Variants in IMPG1 observed in about 807,000 individuals in gnomAD.
IMPG1 encodes the protein interphotoreceptor matrix proteoglycan 1, also known as interphotoreceptor matrix proteoglycan of 150 kDa.
A neutral mutation model predicts 92.0 loss-of-function variants in IMPG1; 85 were observed. The ratio of observed to expected loss-of-function variants is 0.92; its 90% CI spans 0.78 to 1.11. The LOEUF (loss-of-function observed/expected upper bound fraction) is 1.11, where lower values mean the gene tolerates loss of function less well. IMPG1 is among the 50% of genes least tolerant of loss of function. The pLI, the probability that IMPG1 is intolerant of heterozygous loss-of-function variation, is 0.00. For synonymous variants in IMPG1, 367 were observed against 334.1 expected (o/e 1.10, Z -1.08); for missense variants, 1,022 against 956.0 (o/e 1.07, Z -0.91).
At chr6:76,021,798 T>TATATATAC (rs1169030839) in intron 6 of IMPG1, among the ~76,000 whole-genome samples, 1 of 140,724 alleles carries the variant, frequency 7.1e-6, no homozygotes, top group African/African-American at 2.6e-5. Flanking sequence ...TATATATATA[T>TATATATAC]ATATGGTTTT....
intron 4 of IMPG1, among the ~76,000 whole-genome samples, chr6:76,033,398 T>C (rs1432541393): frequency 6.6e-6 from 1 of 152,216 alleles, no homozygotes; most frequent in Non-Finnish European, 1.5e-5. Flanking sequence ...TGGGAGTGGA[T>C]ATTCAGAATG....
At chr6:75,949,703 C>T (rs1781991366) in intron 13 of IMPG1, among the ~76,000 whole-genome samples, 1 of 152,136 alleles carries the variant, frequency 6.6e-6, no homozygotes, top group Non-Finnish European at 1.5e-5. Context: ...TTCCCTGAGA[C>T]TCTCCCAATA....
At chr6:76,035,447 C>T (rs181886161) in intron 2 of IMPG1, among the ~76,000 whole-genome samples, 21 of 145,326 alleles carry the variant, frequency 1.4e-4, no homozygotes, top group African/African-American at 4.1e-4. Context: ...TGCGGTGAGC[C>T]GAGATCGCGC....
chr6:75,988,453 A>G (rs150406928), intron 12 of IMPG1, among the ~76,000 whole-genome samples: 126 of 152,214 alleles, frequency 8.3e-4, no homozygotes, highest in African/African-American at 2.8e-3. Flanking sequence ...TCGTTTGCCT[A>G]CTTTTTGATG....
chr6:76,050,736 A>G (rs941437174), intron 1 of IMPG1, among the ~76,000 whole-genome samples: 3 of 152,154 alleles, frequency 2.0e-5, no homozygotes, highest in Non-Finnish European at 2.9e-5. Context: ...CTACATATTC[A>G]AGTGGATACT....
At chr6:76,021,217 C>A (rs895974544) in intron 6 of IMPG1, among the ~76,000 whole-genome samples, 1 of 152,194 alleles carries the variant, frequency 6.6e-6, no homozygotes, top group Non-Finnish European at 1.5e-5. Context: ...AATTGTCAAC[C>A]AGAAAATGTT....
At chr6:76,067,486 G>C (rs1582141703) in intron 1 of IMPG1, among the ~76,000 whole-genome samples, 1 of 152,098 alleles carries the variant, frequency 6.6e-6, no homozygotes, top group African/African-American at 2.4e-5. Flanking sequence ...GGTTGAACCA[G>C]GAAGAAATAG....
At chr6:76,068,510 C>CTTT (rs1160277573) in intron 1 of IMPG1, among the ~76,000 whole-genome samples, 50 of 110,160 alleles carry the variant, frequency 4.5e-4, no homozygotes, top group Non-Finnish European at 4.8e-4. Context: ...AATGTCCATA[C>CTTT]TTTTTTTTTT....
intron 12 of IMPG1, among the ~76,000 whole-genome samples, chr6:75,976,136 T>C (rs1782528334): frequency 6.6e-6 from 1 of 152,188 alleles, no homozygotes. Flanking sequence ...ACTAATGAGG[T>C]AAATAAAATC....
At chr6:75,988,949 C>A (rs543094637) in intron 12 of IMPG1, among the ~76,000 whole-genome samples, 2 of 152,200 alleles carry the variant, frequency 1.3e-5, no homozygotes, top group African/African-American at 4.8e-5. Context: ...TTGCCCTTCA[C>A]ATCCAATGAT....
At chr6:75,943,730 C>T (rs564958559) in intron 14 of IMPG1, among the ~76,000 whole-genome samples, 1 of 152,184 alleles carries the variant, frequency 6.6e-6, no homozygotes, top group East Asian at 1.9e-4. Context: ...CATTGACCAG[C>T]CTGGAGGGAC....
intron 12 of IMPG1, among the ~76,000 whole-genome samples, chr6:75,959,007 T>C (rs1381060160): frequency 6.6e-6 from 1 of 152,240 alleles, no homozygotes; most frequent in African/African-American, 2.4e-5. Context: ...TCCTCATCTT[T>C]GTGGATTTAT....
chr6:76,064,614 T>C (rs1447994570), intron 1 of IMPG1, among the ~76,000 whole-genome samples: 1 of 152,014 alleles, frequency 6.6e-6, no homozygotes, highest in Non-Finnish European at 1.5e-5. Flanking sequence ...GCCATTGGGG[T>C]ATCCAAGGGT....
chr6:76,037,493 A>T (rs1181077139), intron 2 of IMPG1, among the ~76,000 whole-genome samples: 1 of 152,220 alleles, frequency 6.6e-6, no homozygotes, highest in Non-Finnish European at 1.5e-5. Context: ...CCAGGCAAGG[A>T]TCAAGAAGTT....
intron 14 of IMPG1, among the ~76,000 whole-genome samples, chr6:75,933,140 G>T (rs1042203804): frequency 2.3e-4 from 35 of 152,174 alleles, no homozygotes; most frequent in African/African-American, 7.7e-4. Context: ...TCTGAATGTG[G>T]TCGAAAGCTT....
chr6:76,006,148 C>CT (rs1365972174), intron 9 of IMPG1, among the ~76,000 whole-genome samples: 1 of 151,986 alleles, frequency 6.6e-6, no homozygotes, highest in East Asian at 1.9e-4. Flanking sequence ...TGAAAAAGTG[C>CT]TTTTTGTCAA....
Position 76,064,375 on chromosome 6 carries a change from T to C in IMPG1, c.67+8047A>G, listed in dbSNP as rs1184355308. 2.7e-3 allele frequency among the ~76,000 whole-genome samples: 413 copies of C among 151,302 alleles called. 1 individual carries two copies. Among genetic ancestry groups the C allele is most frequent in the African/African-American group, 9.0e-3 (373 of 41,316 alleles). ...TGGGGCAACCATTTTTTTTTCTTTT[T>C]TTTTTTTTTTTAATGGCCATTGGCT... is the stretch of plus-strand genomic sequence containing the variant. On this transcript the variant is annotated intron_variant, in intron 1 of 16. Coordinates refer to ENST00000369950, the MANE Select transcript of IMPG1 (RefSeq NM_001563.4).
At chr6:75,982,981 C>T (rs1185160138) in intron 12 of IMPG1, among the ~76,000 whole-genome samples, 1 of 151,836 alleles carries the variant, frequency 6.6e-6, no homozygotes, top group Non-Finnish European at 1.5e-5. Flanking sequence ...GTCCCTGGGG[C>T]AGAGGAAAAC....
chr6:76,012,667 C>T (rs1783207121), intron 7 of IMPG1, among the ~76,000 whole-genome samples: 1 of 152,156 alleles, frequency 6.6e-6, no homozygotes, highest in Non-Finnish European at 1.5e-5. Flanking sequence ...TGAGCAGACA[C>T]CCATCCCTTT....
Sources: gnomAD v4.1 joint callset for allele counts (sites outside exome capture counted in the v4.1 genomes callset) on GRCh38, gnomAD v4.1.1 for gene constraint, MANE v1.5 for transcripts, NCBI Gene and HGNC (gene_info 2026-07-23, HGNC 2026-07-21) for gene names.